INO80C: variants seen among roughly 807,000 people sequenced by gnomAD.
INO80C encodes the protein IES6 homolog.
In INO80C, 17 loss-of-function variants were observed where a neutral mutation model predicts 17.7. The observed-to-expected ratio is 0.96, with a 90% confidence interval of 0.66 to 1.44. INO80C has a LOEUF of 1.44. Ranked by LOEUF, INO80C falls within the 40% of genes most tolerant of loss-of-function variation. The pLI, the probability that INO80C is intolerant of heterozygous loss-of-function variation, is 0.00. For missense variants in INO80C, 244 were observed against 245.0 expected, an observed-to-expected ratio of 1.00 and a Z score of 0.03; for synonymous variants, 96 against 95.8, an observed-to-expected ratio of 1.00 and a Z score of -0.01.
chr18:35,497,930 A>G lies in INO80C; in HGVS notation c.-56T>C, dbSNP rs781025813. The G allele has an allele frequency of 6.2e-5, 90 of 1,463,314 alleles. No individual in the cohort carries two copies. Among genetic ancestry groups the G allele is most frequent in the Non-Finnish European group, 8.1e-5 (89 of 1,104,652 alleles). 90.6% of individuals were successfully genotyped at this position (1,463,314 alleles called of 1,614,324 possible). ...CCTTTTTCCCAGCGCGGGCCTTGGA[A>G]CTTCCTTTCCGCTGTTACTTCCGTC... On this transcript the variant is annotated 5_prime_UTR_variant, in exon 1 of 5. Transcript: ENST00000334598.
intron 4 of INO80C, 108 bp from the exon 5 acceptor site, chr18:35,468,850 C>A: frequency 1.0e-6 from 1 of 985,544 alleles, no homozygotes. Context: ...TATATATTTT[C>A]ATTATGTCTT....
chr18:35,487,012 T>C (rs1427222785), intron 1 of INO80C, among the ~76,000 whole-genome samples: 1 of 152,144 alleles, frequency 6.6e-6, no homozygotes, highest in African/African-American at 2.4e-5. Context: ...AAATAGGCTA[T>C]TTATAGTCTC....
intron 1 of INO80C, among the ~76,000 whole-genome samples, chr18:35,486,880 A>G (rs927659275): frequency 2.0e-5 from 3 of 152,068 alleles, no homozygotes; most frequent in Non-Finnish European, 4.4e-5. Context: ...ATTCTAATTA[A>G]TAAATCTAAA....
intron 3 of INO80C, among the ~76,000 whole-genome samples, chr18:35,478,661 T>C (rs1405905377): frequency 1.3e-5 from 2 of 152,184 alleles, no homozygotes; most frequent in African/African-American, 4.8e-5. Flanking sequence ...CATGGGCTGA[T>C]GGTGATGAAA....
At chr18:35,494,193 A>G (rs2045957062) in intron 1 of INO80C, among the ~76,000 whole-genome samples, 1 of 152,240 alleles carries the variant, frequency 6.6e-6, no homozygotes, top group South Asian at 2.1e-4. Context: ...TCAAGGTTAG[A>G]CATTACTATA....
At chr18:35,488,192 G>A (rs987364906) in intron 1 of INO80C, among the ~76,000 whole-genome samples, 4 of 152,206 alleles carry the variant, frequency 2.6e-5, no homozygotes, top group Non-Finnish European at 4.4e-5. Context: ...GGGCTCTGAA[G>A]GACGGTGGCT....
At chr18:35,473,437 T>C (rs990830700) in intron 4 of INO80C, among the ~76,000 whole-genome samples, 5 of 152,156 alleles carry the variant, frequency 3.3e-5, no homozygotes, top group Non-Finnish European at 7.4e-5. Flanking sequence ...GAGCTCAGAT[T>C]CAGGGGCTAC....
intron 4 of INO80C, 46 bp downstream of exon 4, chr18:35,478,236 T>C: frequency 7.3e-7 from 1 of 1,363,434 alleles, no homozygotes; most frequent in Non-Finnish European, 1.0e-6. Flanking sequence ...GACATTACTG[T>C]GAAATCTTTT....
intron 4 of INO80C, among the ~76,000 whole-genome samples, chr18:35,474,415 C>T (rs528150238): frequency 1.4e-4 from 21 of 151,586 alleles, no homozygotes; most frequent in East Asian, 5.8e-4. Context: ...AGGTCAGGCA[C>T]GGTGGCTCAC....
At position 35,468,401 on chromosome 18, in the gene INO80C, T is replaced by C; in HGVS notation, c.*210A>G. 7.2e-7 allele frequency: 1 copy of C among 1,391,488 alleles called. No individual in the cohort carries two copies. Among genetic ancestry groups the C allele is most frequent in the Non-Finnish European group, 9.3e-7 (1 of 1,072,586 alleles). 86.2% of individuals were successfully genotyped at this position (1,391,488 alleles called of 1,614,324 possible). A position where few individuals can be genotyped will look rare whatever the true frequency, so the allele number is the denominator to read the frequency against. ...TTTACTTGAGGCAACAACTGAAGTATAATTTAATTCAGCAGGAAATATCAC... is the reference window on the plus strand; with the variant it reads ...TTTACTTGAGGCAACAACTGAAGTACAATTTAATTCAGCAGGAAATATCAC... On this transcript the variant is annotated 3_prime_UTR_variant, in exon 5 of 5. Coordinates refer to ENST00000334598, the MANE Select transcript of INO80C (RefSeq NM_194281.4).
chr18:35,484,581 T>C (rs2045851207), intron 1 of INO80C, among the ~76,000 whole-genome samples: 2 of 152,252 alleles, frequency 1.3e-5, no homozygotes, highest in African/African-American at 2.4e-5. Context: ...TTCCCTAAAC[T>C]GTACAATATA....
intron 1 of INO80C, among the ~76,000 whole-genome samples, chr18:35,494,413 T>C (rs2144093200): frequency 6.6e-6 from 1 of 152,354 alleles, no homozygotes; most frequent in East Asian, 1.9e-4. Flanking sequence ...TAGGCCTGCC[T>C]AATCACATAA....
At chr18:35,475,316 CTGTCAGCCCAGACTTGAAAA>C (rs2045722421) in intron 4 of INO80C, among the ~76,000 whole-genome samples, 1 of 152,186 alleles carries the variant, frequency 6.6e-6, no homozygotes. Context: ...AAAGAAAAAA[CTGTCAGCCCAGACTTGAAAA>C]TGTCATTCAA....
chr18:35,487,456 CAA>C (rs2045888476), intron 1 of INO80C: 1 of 314,644 alleles, frequency 3.2e-6, no homozygotes, highest in African/African-American at 2.3e-5. Context: ...TGGCAGCAGG[CAA>C]GAGAGAGAAT....
At chr18:35,496,094 GA>G (rs1412595544) in intron 1 of INO80C, among the ~76,000 whole-genome samples, 4 of 152,312 alleles carry the variant, frequency 2.6e-5, no homozygotes, top group South Asian at 4.1e-4. Flanking sequence ...ACTACTTTGA[GA>G]AATACTGTTT....
chr18:35,483,797 G>T (rs1468989688), intron 1 of INO80C: 1 of 152,208 alleles, frequency 6.6e-6, no homozygotes, highest in Non-Finnish European at 1.5e-5. Context: ...TTACCTGCAG[G>T]GGCAGAGGGG....
intron 1 of INO80C, among the ~76,000 whole-genome samples, chr18:35,486,251 A>G (rs1269860746): frequency 6.6e-6 from 1 of 152,256 alleles, no homozygotes; most frequent in Non-Finnish European, 1.5e-5. Context: ...TAACAAAAAG[A>G]AGCCAGACAC....
chr18:35,478,299 C>G lies in INO80C; in HGVS notation c.430G>C (p.Asp144His). The stretch of plus-strand genomic sequence containing the variant: ...ATACTCACAAGCAGACCTGAAACAT[C>G]AGAATACTTCTTAGCTGGCTTAAAG... Reference protein sequence around the residue: ...PSFKPAKKYSDVSGLLANYTD... With the variant: ...PSFKPAKKYSHVSGLLANYTD... Residue 144 changes from aspartate (D) to histidine (H), a missense_variant, in exon 4 of 5, where the codon GAT becomes CAT. By Grantham distance (81) the Asp-to-His change is moderately conservative (BLOSUM62 -1). Coordinates refer to ENST00000334598, the MANE Select transcript of INO80C (RefSeq NM_194281.4). The G allele has an allele frequency of 2.5e-6, 4 of 1,602,250 alleles. No individual in the cohort carries two copies. The highest frequency in any genetic ancestry group is 3.4e-6 in the Non-Finnish European group (4 of 1,174,206).
rs139586727 is a variant in INO80C at position 35,479,310 on chromosome 18, G to A, written c.369C>T (p.Asn123=). 210 of 1,609,140 alleles carry A rather than the reference G, an allele frequency of 1.3e-4. No individual in the cohort carries two copies. Among genetic ancestry groups the A allele is most frequent in the Non-Finnish European group, 8.9e-5 (105 of 1,175,540 alleles). Residue 123 remains asparagine (N), a synonymous_variant, in exon 3 of 5, where the codon AAC becomes AAT. Transcript: ENST00000334598. The part of the protein sequence containing the change: ...ASERALPWQL[N]DPNYFSIDAP... ...CTCTAGACAGCTCACAGTTAGGATC[G>A]TTCAGTTGCCACGGCAATGCCCTTT...
Sources: allele counts gnomAD v4.1 joint callset (sites outside exome capture counted in the v4.1 genomes callset), GRCh38; gene constraint gnomAD v4.1.1; transcripts MANE v1.5; gene names NCBI Gene and HGNC (gene_info 2026-07-23, HGNC 2026-07-21).